AKAP13: variants seen among roughly 807,000 people sequenced by gnomAD.
The protein encoded by AKAP13 is A-kinase anchor protein 13.
A neutral mutation model predicts 264.5 loss-of-function variants in AKAP13; 80 were observed. The observed-to-expected ratio is 0.30, with a 90% CI of 0.25 to 0.36. The LOEUF (loss-of-function observed/expected upper bound fraction) is 0.36, where lower values mean the gene tolerates loss of function less well. Among genes scored for constraint, AKAP13 ranks in the 10% least tolerant of loss-of-function variants. The probability of loss-of-function intolerance (pLI) is 1.00; values close to 1 mark genes in which losing one functional copy is unlikely to be tolerated. For synonymous variants in AKAP13, 1,380 were observed against 1,250.2 expected, an observed-to-expected ratio of 1.10 and a Z score of -2.19; for missense variants, 3,712 against 3,435.2, an observed-to-expected ratio of 1.08 and a Z score of -2.01.
At chr15:85,665,668 T>C in intron 13 of AKAP13, among the ~76,000 whole-genome samples, 1 of 152,200 alleles carries the variant, frequency 6.6e-6, no homozygotes, top group Non-Finnish European at 1.5e-5. Context: ...CCTAATGCTA[T>C]CCCTCCCCCA....
chr15:85,452,461 A>C (rs2074126329), intron 1 of AKAP13, among the ~76,000 whole-genome samples: 1 of 152,130 alleles, frequency 6.6e-6, no homozygotes, highest in African/African-American at 2.4e-5. Context: ...TTGAGTTACT[A>C]GAGTTCTTGT....
chr15:85,382,906 C>G (rs999594020), intron 1 of AKAP13, among the ~76,000 whole-genome samples: 3 of 152,230 alleles, frequency 2.0e-5, no homozygotes, highest in Non-Finnish European at 2.9e-5. Context: ...AATGACAGTT[C>G]ACTTGCAGAT....
At chr15:85,697,010 T>C (rs2151649856) in intron 17 of AKAP13, among the ~76,000 whole-genome samples, 1 of 152,310 alleles carries the variant, frequency 6.6e-6, no homozygotes. Context: ...ACCGTCTGTA[T>C]GTGCTAGAAC....
intron 14 of AKAP13, among the ~76,000 whole-genome samples, chr15:85,672,236 A>G (rs1272843807): frequency 6.6e-6 from 1 of 152,248 alleles, no homozygotes; most frequent in African/African-American, 2.4e-5. Context: ...GCAGGCTGGA[A>G]TGATAGCTAG....
chr15:85,585,675 T>A, intron 7 of AKAP13, 27 bp from the exon 8 acceptor site: 1 of 1,613,736 alleles, frequency 6.2e-7, no homozygotes, highest in Non-Finnish European at 8.5e-7. Flanking sequence ...TTTAAAAATG[T>A]ACTCTGTAAC....
At chr15:85,486,486 AG>A (rs1233802181) in intron 2 of AKAP13, among the ~76,000 whole-genome samples, 1 of 152,156 alleles carries the variant, frequency 6.6e-6, no homozygotes, top group Non-Finnish European at 1.5e-5. Context: ...CAGTTGTTCC[AG>A]CACCATTTGT....
chr15:85,625,128 TG>T (rs2081353287), intron 8 of AKAP13, among the ~76,000 whole-genome samples: 1 of 152,246 alleles, frequency 6.6e-6, no homozygotes, highest in African/African-American at 2.4e-5. Flanking sequence ...CTCTAAAAGA[TG>T]TAGATGTTTA....
At chr15:85,451,126 T>G (rs2074074793) in intron 1 of AKAP13, among the ~76,000 whole-genome samples, 1 of 152,362 alleles carries the variant, frequency 6.6e-6, no homozygotes, top group Non-Finnish European at 1.5e-5. Context: ...CTTGTCTTTT[T>G]TGATCCTTGT....
intron 17 of AKAP13, among the ~76,000 whole-genome samples, chr15:85,693,921 G>T (rs1456230838): frequency 1.3e-5 from 2 of 152,198 alleles, no homozygotes; most frequent in African/African-American, 4.8e-5. Context: ...ATGATGTCCA[G>T]AAGGTTAGGT....
intron 2 of AKAP13, among the ~76,000 whole-genome samples, chr15:85,493,647 T>G (rs947206161): frequency 6.6e-6 from 1 of 152,210 alleles, no homozygotes; most frequent in Non-Finnish European, 1.5e-5. Flanking sequence ...TGAATTATCT[T>G]AGTTCTTTTG....
chr15:85,710,558 A>T, intron 18 of AKAP13, 21 bp from the exon 19 acceptor site: 2 of 1,612,298 alleles, frequency 1.2e-6, no homozygotes, highest in Non-Finnish European at 1.7e-6. Flanking sequence ...TTGTCAATGG[A>T]CTTACTTTCT....
At chr15:85,403,904 G>C (rs1346806179) in intron 1 of AKAP13, among the ~76,000 whole-genome samples, 1 of 151,772 alleles carries the variant, frequency 6.6e-6, no homozygotes, top group Non-Finnish European at 1.5e-5. Flanking sequence ...TTGCTTTTGG[G>C]ACCTGGAAGC....
intron 12 of AKAP13, 121 bp downstream of exon 12, chr15:85,658,711 C>T (rs899641161): frequency 2.8e-6 from 2 of 727,248 alleles, no homozygotes; most frequent in Admixed American, 2.9e-5. Context: ...CCATCTAATT[C>T]AGGCAAATAA....
intron 8 of AKAP13, among the ~76,000 whole-genome samples, chr15:85,586,459 C>T (rs1056561477): frequency 6.6e-6 from 1 of 152,154 alleles, no homozygotes; most frequent in Non-Finnish European, 1.5e-5. Context: ...CTGCCTCAGC[C>T]TCCCAAAGTG....
At chr15:85,638,623 G>A (rs2082168512) in intron 8 of AKAP13, among the ~76,000 whole-genome samples, 1 of 152,166 alleles carries the variant, frequency 6.6e-6, no homozygotes, top group Non-Finnish European at 1.5e-5. Context: ...ATAATATTAA[G>A]AGGGTTGGGA....
At position 85,747,776 on chromosome 15, in the gene AKAP13, G is replaced by C. The variant is rs2089413491; in HGVS notation, c.*3099G>C. 6.5e-6 allele frequency: 1 copy of C among 152,730 alleles called. No homozygotes were observed. Among genetic ancestry groups the C allele is most frequent in the Non-Finnish European group, 1.5e-5 (1 of 68,046 alleles). 9.5% of individuals were successfully genotyped at this position (152,730 alleles called of 1,614,324 possible). ...CTCTACCCCCGTGAGAGCTATCTGG[G>C]GGGAAGAATCCTTACCAAGGTTTTT... On this transcript the variant is annotated 3_prime_UTR_variant, in exon 37 of 37. Transcript: ENST00000394518.
intron 17 of AKAP13, among the ~76,000 whole-genome samples, chr15:85,696,913 A>G (rs1308868845): frequency 6.6e-6 from 1 of 152,080 alleles, no homozygotes; most frequent in Admixed American, 6.5e-5. Flanking sequence ...GGAAAATTCT[A>G]CCCAGTGGCC....
Position 85,580,393 on chromosome 15 carries a change from A to G in AKAP13, c.2325A>G (p.Pro775=), listed in dbSNP as rs2079126089. The change falls in exon 7 of 37, where the codon CCA becomes CCG. Residue 775 remains proline (P), a synonymous_variant. Transcript: ENST00000394518. ...CTAAAATGGAGAAAGAACTGGTGCC[A>G]GACCAGGCAGTAATATCAGACAGTA... ...VVPKMEKELV[P]DQAVISDSTF... is the part of the protein sequence containing the mutation. 1 of 1,614,256 alleles carries G rather than the reference A, an allele frequency of 6.2e-7. No individual in the cohort carries two copies. The highest frequency in any genetic ancestry group is 1.7e-5 in the Admixed American group (1 of 60,034).
intron 17 of AKAP13, among the ~76,000 whole-genome samples, chr15:85,694,772 C>T (rs2085478108): frequency 6.6e-6 from 1 of 152,170 alleles, no homozygotes; most frequent in African/African-American, 2.4e-5. Context: ...CCAGTCCAGT[C>T]ACCCGGAAGG....
Sources: allele counts gnomAD v4.1 joint callset (sites outside exome capture counted in the v4.1 genomes callset), GRCh38; gene constraint gnomAD v4.1.1; transcripts MANE v1.5; gene names NCBI Gene and HGNC (gene_info 2026-07-23, HGNC 2026-07-21).